Variants in TLL1 observed in about 807,000 individuals in gnomAD.
TLL1 encodes the protein tolloid-like protein 1.
Under a neutral mutation model 128.2 loss-of-function variants are expected in TLL1, and 49 were observed. The observed-to-expected ratio is 0.38, with a 90% confidence interval of 0.30 to 0.48. The LOEUF (loss-of-function observed/expected upper bound fraction) is 0.48, where lower values mean the gene tolerates loss of function less well. Among genes scored for constraint, TLL1 ranks in the 20% least tolerant of loss-of-function variants. The pLI is 0.96. For missense variants in TLL1, 1,123 were observed against 1,242.0 expected (o/e 0.90, Z 1.44); for synonymous variants, 454 against 418.8 (o/e 1.08, Z -1.03).
At chr4:165,956,285 C>A (rs911079644) in intron 1 of TLL1, among the ~76,000 whole-genome samples, 17 of 152,036 alleles carry the variant, frequency 1.1e-4, no homozygotes, top group Admixed American at 7.9e-4. Context: ...GATCTGACCA[C>A]AAATTTACCA....
intron 1 of TLL1, among the ~76,000 whole-genome samples, chr4:165,964,755 T>G (rs1381775618): frequency 6.6e-6 from 1 of 152,066 alleles, no homozygotes; most frequent in Non-Finnish European, 1.5e-5. Context: ...TAAGAGACCT[T>G]GTCTCTACAG....
At chr4:166,063,241 T>G (rs1471853955) in intron 15 of TLL1, among the ~76,000 whole-genome samples, 5 of 151,914 alleles carry the variant, frequency 3.3e-5, no homozygotes, top group Admixed American at 3.3e-4. Flanking sequence ...CATGAAAAAA[T>G]GCTCATCATC....
chr4:166,009,543 T>C (rs936779760), intron 7 of TLL1, among the ~76,000 whole-genome samples: 1 of 151,420 alleles, frequency 6.6e-6, no homozygotes, highest in African/African-American at 2.4e-5. Context: ...TGCTTATGAG[T>C]TGAATGCCAA....
intron 19 of TLL1, among the ~76,000 whole-genome samples, chr4:166,093,912 T>C (rs181444610): frequency 6.6e-6 from 1 of 152,258 alleles, no homozygotes; most frequent in African/African-American, 2.4e-5. Context: ...ACATATGTTT[T>C]TGTGAGCTCA....
At chr4:165,987,038 T>C (rs7682342) in intron 1 of TLL1, among the ~76,000 whole-genome samples, 10,230 of 152,126 alleles carry the variant, frequency 0.067, 951 homozygotes, top group African/African-American at 0.21. Flanking sequence ...GTTAAAAATG[T>C]AGAATCTGAG....
intron 1 of TLL1, among the ~76,000 whole-genome samples, chr4:165,984,157 C>G (rs948329283): frequency 2.0e-5 from 3 of 151,762 alleles, no homozygotes; most frequent in Non-Finnish European, 4.4e-5. Flanking sequence ...ACACATACTA[C>G]CTTAAAACAT....
At chr4:165,972,807 C>A (rs537283965) in intron 1 of TLL1, among the ~76,000 whole-genome samples, 1 of 152,162 alleles carries the variant, frequency 6.6e-6, no homozygotes, top group South Asian at 2.1e-4. Flanking sequence ...CCACCTTCTA[C>A]CATCAGTCTT....
intron 1 of TLL1, among the ~76,000 whole-genome samples, chr4:165,957,600 C>T (rs118148452): frequency 0.016 from 2,392 of 151,664 alleles, 81 homozygotes; most frequent in East Asian, 0.15. Flanking sequence ...TTTTGGTGCA[C>T]CCATCACCCG....
Position 165,954,165 on chromosome 4 carries a change from G to A in TLL1, c.170-35216G>A, listed in dbSNP as rs531322060. Among the ~76,000 whole-genome samples, 4 of 152,134 alleles carry A rather than the reference G, an allele frequency of 2.6e-5. No homozygotes were observed. The East Asian group carries it at 7.7e-4, about 29-fold the overall frequency. On this transcript the variant is annotated intron_variant, in intron 1 of 20. Transcript: ENST00000061240. ...GCTGGATATCAGAATATTGCCAACG[G>A]CTATACAACATTACCCAATAATAAG...
At chr4:165,880,011 G>C (rs1730906697) in intron 1 of TLL1, among the ~76,000 whole-genome samples, 1 of 152,144 alleles carries the variant, frequency 6.6e-6, no homozygotes, top group East Asian at 1.9e-4. Flanking sequence ...TAGCAATATG[G>C]CTTTCGTGGT....
chr4:165,974,690 C>T (rs905489318), intron 1 of TLL1, among the ~76,000 whole-genome samples: 2 of 152,108 alleles, frequency 1.3e-5, no homozygotes, highest in Non-Finnish European at 2.9e-5. Context: ...TACAATTTAC[C>T]ATCAGTACAA....
chr4:166,052,884 G>A lies in TLL1; in HGVS notation c.1525-2192G>A, dbSNP rs150439050. On this transcript the variant is annotated intron_variant, in intron 12 of 20. Transcript: ENST00000061240. ...TCCCCTTGACCAAGAACAGCCTTTG[G>A]CCATCTGGAAATGTTCTCATATTTA... Among the ~76,000 whole-genome samples, 1,119 of 148,188 alleles carry A rather than the reference G, an allele frequency of 7.6e-3. 15 individuals are homozygous for A. The highest frequency in any genetic ancestry group is 0.027 in the African/African-American group (1,076 of 39,938).
At position 165,943,042 on chromosome 4, in the gene TLL1, C is replaced by T. The variant is rs566237947; in HGVS notation, c.170-46339C>T. Among the ~76,000 whole-genome samples the T allele has an allele frequency of 5.3e-5, 8 of 152,124 alleles. No homozygotes were observed. In the South Asian group the frequency reaches 1.2e-3, roughly 24 times the overall value. ...ATAGGACATTCAAGTTCCCTTTATT[C>T]GCCTTTAAATTTGCAACATTTGTCT... On this transcript the variant is annotated intron_variant, in intron 1 of 20. Transcript: ENST00000061240.
intron 18 of TLL1, among the ~76,000 whole-genome samples, chr4:166,084,519 C>A (rs76271071): frequency 0.012 from 1,893 of 152,144 alleles, 48 homozygotes; most frequent in African/African-American, 0.043. Context: ...AGTTTTGAAT[C>A]TTATATTTAC....
At chr4:166,060,646 A>G (rs1368610633) in intron 15 of TLL1, among the ~76,000 whole-genome samples, 1 of 152,212 alleles carries the variant, frequency 6.6e-6, no homozygotes, top group Admixed American at 6.5e-5. Flanking sequence ...AAAGAAGGAA[A>G]GATTAATTTT....
rs1742325598 is a variant in TLL1, at chr4:166,102,308, T to C, written c.*1432T>C. 1 of 152,356 alleles carries C rather than the reference T, an allele frequency of 6.6e-6. No homozygotes were observed. The highest frequency in any genetic ancestry group is 2.4e-5 in the African/African-American group (1 of 41,404). The allele number at this position is 152,356 out of a possible 1,614,324, so 9.4% of individuals were successfully genotyped here. A position where few individuals can be genotyped will look rare whatever the true frequency, so the allele number is the denominator to read the frequency against. ...GGTGTCCTGCTTTTTTTGTAGAAAA[T>C]GTAATTTGAGGATGAATTTTCTGCT... On this transcript the variant is annotated 3_prime_UTR_variant, in exon 21 of 21. Coordinates refer to ENST00000061240, the MANE Select transcript of TLL1 (RefSeq NM_012464.5).
chr4:165,919,190 T>C (rs1035205971), intron 1 of TLL1, among the ~76,000 whole-genome samples: 13 of 151,886 alleles, frequency 8.6e-5, no homozygotes, highest in African/African-American at 3.1e-4. Context: ...GAGGCTAGCC[T>C]GGGCAACATA....
intron 9 of TLL1, among the ~76,000 whole-genome samples, chr4:166,027,430 T>C (rs960253933): frequency 2.6e-5 from 4 of 152,194 alleles, no homozygotes; most frequent in Admixed American, 6.5e-5. Flanking sequence ...ATCATGGGTA[T>C]GGAGTTGTCC....
chr4:165,964,733 C>A (rs970234188), intron 1 of TLL1, among the ~76,000 whole-genome samples: 2 of 151,974 alleles, frequency 1.3e-5, no homozygotes, highest in African/African-American at 4.8e-5. Context: ...AGGACAGGAG[C>A]CTGGGAAGCA....
Sources: gnomAD v4.1 joint callset for allele counts (sites outside exome capture counted in the v4.1 genomes callset) on GRCh38, gnomAD v4.1.1 for gene constraint, MANE v1.5 for transcripts, NCBI Gene and HGNC (gene_info 2026-07-23, HGNC 2026-07-21) for gene names.